GAS7: variants seen among roughly 807,000 people sequenced by gnomAD.
GAS7 encodes growth arrest-specific protein 7.
In GAS7, 28 loss-of-function variants were observed where a neutral mutation model predicts 71.1. The observed-to-expected ratio is 0.39, with a 90% CI of 0.29 to 0.54. The LOEUF (loss-of-function observed/expected upper bound fraction) is 0.54. Ranked by LOEUF, GAS7 falls within the 20% of genes least tolerant of loss-of-function variation. GAS7 has a pLI of 0.62. For synonymous variants in GAS7, 258 were observed against 245.8 expected (o/e 1.05, Z -0.46); for missense variants, 436 against 627.8 (o/e 0.69, Z 3.27).
chr17:9,965,138 C>T (rs970598034), intron 4 of GAS7, among the ~76,000 whole-genome samples: 1 of 152,142 alleles, frequency 6.6e-6, no homozygotes, highest in Non-Finnish European at 1.5e-5. Context: ...GATCTAGAAC[C>T]GGAAATACCA....
At chr17:9,985,244 G>A (rs947135885) in intron 2 of GAS7, among the ~76,000 whole-genome samples, 2 of 152,052 alleles carry the variant, frequency 1.3e-5, no homozygotes, top group Non-Finnish European at 2.9e-5. Flanking sequence ...CCCAGCTTTC[G>A]CCGGAGGTCA....
rs939989728 is a variant in GAS7, at chr17:10,009,116, C to T, written c.304+10661G>A. Reference sequence around the variant, plus strand: ...CGGGCGGATCACGAGGTCAGGAGATCGAGACCATCCCGGCTAAAACGGTGA... The same window carrying T: ...CGGGCGGATCACGAGGTCAGGAGATTGAGACCATCCCGGCTAAAACGGTGA... On this transcript the variant is annotated intron_variant, in intron 2 of 13. Coordinates refer to ENST00000432992, the MANE Select transcript of GAS7 (RefSeq NM_201433.2). 5.9e-5 allele frequency among the ~76,000 whole-genome samples: 9 copies of T among 151,676 alleles called. No individual in the cohort carries two copies. In the South Asian group the frequency reaches 8.3e-4, roughly 14 times the overall value.
At chr17:10,133,577 T>C (rs1290850544) in intron 1 of GAS7, among the ~76,000 whole-genome samples, 1 of 152,152 alleles carries the variant, frequency 6.6e-6, no homozygotes, top group Non-Finnish European at 1.5e-5. Context: ...TAAAATCCAC[T>C]CTTTTAGCAA....
chr17:9,929,934 C>T (rs2068150081), intron 9 of GAS7, among the ~76,000 whole-genome samples: 1 of 152,174 alleles, frequency 6.6e-6, no homozygotes, highest in African/African-American at 2.4e-5. Flanking sequence ...CCTGTCATGG[C>T]CCATCAGTTT....
chr17:10,086,818 G>T (rs2073524782), intron 1 of GAS7, among the ~76,000 whole-genome samples: 1 of 152,132 alleles, frequency 6.6e-6, no homozygotes, highest in Non-Finnish European at 1.5e-5. Context: ...ACATTACTTA[G>T]CCACCAGCTC....
At chr17:10,072,467 C>T (rs1014214622) in intron 1 of GAS7, among the ~76,000 whole-genome samples, 1 of 152,176 alleles carries the variant, frequency 6.6e-6, no homozygotes, top group Non-Finnish European at 1.5e-5. Flanking sequence ...TCTGTCCACC[C>T]TGAGAAGGAC....
Position 9,926,547 on chromosome 17 carries a change from C to T in GAS7, c.1014+94G>A. The T allele has an allele frequency of 7.4e-7, 1 of 1,342,824 alleles. No individual in the cohort carries two copies. 83.2% of individuals were successfully genotyped at this position (1,342,824 alleles called of 1,614,324 possible). Reference sequence around the variant, plus strand: ...CCCTACCTGGGGACAAAGACTCAGCCTTGGCGTATGGAGCCACTGCTGGCT... The same window carrying T: ...CCCTACCTGGGGACAAAGACTCAGCTTTGGCGTATGGAGCCACTGCTGGCT... On this transcript the variant is annotated intron_variant, in intron 10 of 13. Coordinates refer to ENST00000432992, the MANE Select transcript of GAS7 (RefSeq NM_201433.2). This position sits in a 1 kb window ranked among gnomAD's most constrained non-coding sequence, Gnocchi z 5.0.
intron 1 of GAS7, among the ~76,000 whole-genome samples, chr17:10,167,762 A>T (rs2074306783): frequency 6.6e-6 from 1 of 152,048 alleles, no homozygotes; most frequent in Non-Finnish European, 1.5e-5. Context: ...GCAGCGGCAC[A>T]ATCACAGCCC....
At chr17:10,017,133 A>AAATAAAT (rs5819260) in intron 2 of GAS7, among the ~76,000 whole-genome samples, 1 of 132,434 alleles carries the variant, frequency 7.6e-6, no homozygotes, top group Non-Finnish European at 1.6e-5. Context: ...CCTGTCTAAA[A>AAATAAAT]AAATAAATAA....
chr17:10,144,744 T>A (rs899405243), intron 1 of GAS7, among the ~76,000 whole-genome samples: 6 of 152,028 alleles, frequency 3.9e-5, no homozygotes, highest in African/African-American at 1.5e-4. Flanking sequence ...GATAGGATCT[T>A]GCTATGTTGC....
intron 1 of GAS7, among the ~76,000 whole-genome samples, chr17:10,048,072 C>T (rs1027672062): frequency 2.0e-5 from 3 of 152,256 alleles, no homozygotes; most frequent in South Asian, 2.1e-4. Context: ...GAGGGTGAAG[C>T]GGGCAGATCA....
chr17:10,127,563 C>G (rs1260622634), intron 1 of GAS7, among the ~76,000 whole-genome samples: 1 of 152,170 alleles, frequency 6.6e-6, no homozygotes, highest in Non-Finnish European at 1.5e-5. Context: ...CACAGAGGGA[C>G]AGACTCAGGG....
At chr17:10,067,131 T>C (rs868343121) in intron 1 of GAS7, among the ~76,000 whole-genome samples, 27 of 152,236 alleles carry the variant, frequency 1.8e-4, no homozygotes, top group Middle Eastern at 6.8e-3. Context: ...AAGGCTCTGA[T>C]GAAATATGGG....
intron 1 of GAS7, among the ~76,000 whole-genome samples, chr17:10,168,532 C>T (rs904624029): frequency 3.3e-5 from 5 of 152,202 alleles, no homozygotes; most frequent in Admixed American, 2.6e-4. Context: ...TGTCTGTTTA[C>T]GTACTGTGGA....
chr17:10,197,990 G>T (rs1258680725), intron 1 of GAS7, among the ~76,000 whole-genome samples: 2 of 152,140 alleles, frequency 1.3e-5, no homozygotes, highest in Non-Finnish European at 2.9e-5. Context: ...GCGCAAGGTG[G>T]AAGCTCCCCG....
chr17:10,024,250 T>C (rs1012425965), intron 1 of GAS7, among the ~76,000 whole-genome samples: 1 of 152,238 alleles, frequency 6.6e-6, no homozygotes, highest in African/African-American at 2.4e-5. Flanking sequence ...TCACCCTTCA[T>C]GGCCACAGAG....
At chr17:10,129,322 C>T (rs1400542812) in intron 1 of GAS7, among the ~76,000 whole-genome samples, 1 of 152,110 alleles carries the variant, frequency 6.6e-6, no homozygotes, top group Non-Finnish European at 1.5e-5. Context: ...ATCACTTGAG[C>T]TCAGGAGTTT....
At chr17:10,156,666 A>C (rs966387126) in intron 1 of GAS7, among the ~76,000 whole-genome samples, 1 of 152,160 alleles carries the variant, frequency 6.6e-6, no homozygotes, top group African/African-American at 2.4e-5. Context: ...TAGGAGATGA[A>C]GGTTCATGAG....
Position 10,052,630 on chromosome 17 carries a change from G to A in GAS7, c.184-32733C>T, listed in dbSNP as rs575220967. 2.6e-5 allele frequency among the ~76,000 whole-genome samples: 4 copies of A among 152,286 alleles called. No individual in the cohort carries two copies. In the East Asian group the frequency reaches 5.8e-4, roughly 22 times the overall value. ...GCCCACCCATGCAAAGCAAGTAAGC[G>A]GCACAGGCTGCCAGAGGCTCCGTCC... is the stretch of plus-strand genomic sequence containing the variant. On this transcript the variant is annotated intron_variant, in intron 1 of 13. Coordinates refer to ENST00000432992, the MANE Select transcript of GAS7 (RefSeq NM_201433.2).
Sources: gnomAD v4.1 joint callset for allele counts (sites outside exome capture counted in the v4.1 genomes callset) on GRCh38, gnomAD v4.1.1 for gene constraint, Gnocchi (gnomAD v3.1) non-coding constraint, MANE v1.5 for transcripts, NCBI Gene and HGNC (gene_info 2026-07-23, HGNC 2026-07-21) for gene names.